Variants in DNAH14 observed in about 807,000 individuals in gnomAD.
DNAH14 encodes the protein axonemal beta dynein heavy chain 14.
Under a neutral mutation model 520.9 loss-of-function variants are expected in DNAH14, and 478 were observed. The observed-to-expected ratio is 0.92, with a 90% CI of 0.85 to 0.99. The LOEUF (loss-of-function observed/expected upper bound fraction) is 0.99. Ranked by LOEUF, DNAH14 falls within the 50% of genes least tolerant of loss-of-function variation. DNAH14 has a pLI of 0.00. For synonymous variants in DNAH14, 1,581 were observed against 1,757.2 expected, an observed-to-expected ratio of 0.90 and a Z score of 2.51; for missense variants, 4,831 against 5,234.5, an observed-to-expected ratio of 0.92 and a Z score of 2.38.
chr1:225,082,978 T>C (rs2073316648), intron 20 of DNAH14, among the ~76,000 whole-genome samples: 1 of 152,166 alleles, frequency 6.6e-6, no homozygotes. Context: ...CTGGTTTTCA[T>C]GTATGACAGA....
chr1:225,170,333 TAA>T (rs1361144629), intron 36 of DNAH14, among the ~76,000 whole-genome samples: 1 of 152,100 alleles, frequency 6.6e-6, no homozygotes, highest in African/African-American at 2.4e-5. Flanking sequence ...GCAAATTGGA[TAA>T]AGAGTCAAGA....
At chr1:224,941,104 A>C (rs556807052) in intron 1 of DNAH14, among the ~76,000 whole-genome samples, 1 of 152,352 alleles carries the variant, frequency 6.6e-6, no homozygotes, top group South Asian at 2.1e-4. Context: ...ACTCACTTCC[A>C]CAATGGTTGA....
intron 41 of DNAH14, among the ~76,000 whole-genome samples, chr1:225,214,289 G>A (rs1309086612): frequency 1.3e-5 from 2 of 152,180 alleles, no homozygotes; most frequent in East Asian, 3.8e-4. Context: ...GCTTTTTGAT[G>A]TGCTGCTGGA....
intron 42 of DNAH14, among the ~76,000 whole-genome samples, chr1:225,235,121 C>T (rs915550470): frequency 6.6e-6 from 1 of 152,080 alleles, no homozygotes; most frequent in Non-Finnish European, 1.5e-5. Context: ...TTCTCTTGTG[C>T]CAGTTTTCAA....
chr1:225,291,759 A>G (rs764054018), intron 55 of DNAH14, among the ~76,000 whole-genome samples: 11 of 152,070 alleles, frequency 7.2e-5, no homozygotes, highest in Admixed American at 2.6e-4. Flanking sequence ...CTATTTGATG[A>G]TAGCCATCCT....
intron 67 of DNAH14, 142 bp downstream of exon 67, chr1:225,337,638 C>A: frequency 1.5e-6 from 1 of 668,554 alleles, no homozygotes; most frequent in Non-Finnish European, 2.6e-6. Flanking sequence ...TACTTACAGA[C>A]AGAGAGTGAG....
chr1:225,395,764 T>C (rs2096003290), intron 84 of DNAH14: 1 of 152,358 alleles, frequency 6.6e-6, no homozygotes, highest in South Asian at 2.1e-4. Context: ...CTTCTTGTTT[T>C]CCGGTGCTTT....
chr1:225,350,758 CA>C (rs564430530), intron 71 of DNAH14, among the ~76,000 whole-genome samples: 112 of 139,440 alleles, frequency 8.0e-4, no homozygotes, highest in African/African-American at 2.6e-3. Flanking sequence ...CAAACACTGC[CA>C]AAAAAAAAAG....
chr1:225,063,092 A>G (rs1193004018), intron 17 of DNAH14, among the ~76,000 whole-genome samples: 1 of 151,042 alleles, frequency 6.6e-6, no homozygotes, highest in East Asian at 1.9e-4. Context: ...TATTTAAATG[A>G]AAACATGAAC....
chr1:225,130,440 C>G (rs969247799), intron 27 of DNAH14, among the ~76,000 whole-genome samples: 2 of 151,700 alleles, frequency 1.3e-5, no homozygotes, highest in Non-Finnish European at 2.9e-5. Flanking sequence ...CAATGATAGA[C>G]CGAATTAAGA....
Position 224,985,186 on chromosome 1 carries a change from A to G in DNAH14, c.830+11033A>G, listed in dbSNP as rs1339639503. On this transcript the variant is annotated intron_variant, in intron 8 of 85. Transcript: ENST00000682510. ...GCACATGCATGTTTATAGCAGCACA[A>G]TTCACAATAGCAAAATCGTGGAACC... Among the ~76,000 whole-genome samples, 4 of 152,244 alleles carry G rather than the reference A, an allele frequency of 2.6e-5. No homozygotes were observed. The East Asian group carries it at 7.7e-4, about 29-fold the overall frequency.
intron 8 of DNAH14, among the ~76,000 whole-genome samples, chr1:224,985,768 G>A (rs1342916376): frequency 1.3e-5 from 2 of 151,940 alleles, no homozygotes; most frequent in East Asian, 3.9e-4. Flanking sequence ...TTGATCTACT[G>A]AAGAATGCAT....
intron 23 of DNAH14, among the ~76,000 whole-genome samples, chr1:225,102,879 A>C (rs2075644482): frequency 6.6e-6 from 1 of 151,782 alleles, no homozygotes; most frequent in South Asian, 2.1e-4. Context: ...GCTGTGCAGA[A>C]GCTCTTTAGT....
chr1:225,372,921 A>G (rs2095635888), intron 77 of DNAH14, among the ~76,000 whole-genome samples: 1 of 152,134 alleles, frequency 6.6e-6, no homozygotes, highest in African/African-American at 2.4e-5. Flanking sequence ...CGGACATAAG[A>G]AAAGATGCTC....
At chr1:225,337,987 T>C (rs1182402796) in intron 67 of DNAH14, 74 bp from the exon 68 acceptor site, 2 of 1,427,874 alleles carry the variant, frequency 1.4e-6, no homozygotes, top group Non-Finnish European at 9.3e-7. Flanking sequence ...TTTAAATGTT[T>C]TATTGCTGCT....
chr1:225,101,939 C>A (rs139523962), intron 23 of DNAH14, among the ~76,000 whole-genome samples: 1 of 151,212 alleles, frequency 6.6e-6, no homozygotes, highest in Admixed American at 6.6e-5. Context: ...ATGTGCACAA[C>A]GTGCAGGTTA....
intron 66 of DNAH14, among the ~76,000 whole-genome samples, chr1:225,336,622 A>C (rs541043829): frequency 6.6e-6 from 1 of 152,202 alleles, no homozygotes; most frequent in Non-Finnish European, 1.5e-5. Context: ...CTTAATGAGA[A>C]TATATAGAGC....
intron 8 of DNAH14, among the ~76,000 whole-genome samples, chr1:224,997,975 T>C (rs2063506925): frequency 6.6e-6 from 1 of 152,162 alleles, no homozygotes; most frequent in African/African-American, 2.4e-5. Context: ...TTGATAGGTA[T>C]AGGGCTACTG....
Position 225,288,074 on chromosome 1 carries a change from A to G in DNAH14, c.8272-1811A>G, listed in dbSNP as rs752707703. Among the ~76,000 whole-genome samples, 9 of 152,210 alleles carry G rather than the reference A, an allele frequency of 5.9e-5. No homozygotes were observed. In the East Asian group the frequency reaches 1.5e-3, roughly 26 times the overall value. On this transcript the variant is annotated intron_variant, in intron 54 of 85. Transcript: ENST00000682510. ...GTCTACCCTCAAGAAGCTGGGCATAACTCCTCACTCCTTCACTGAGGGCTG... is the reference window on the plus strand; with the variant it reads ...GTCTACCCTCAAGAAGCTGGGCATAGCTCCTCACTCCTTCACTGAGGGCTG...
Sources: allele counts gnomAD v4.1 joint callset (sites outside exome capture counted in the v4.1 genomes callset), GRCh38; gene constraint gnomAD v4.1.1; transcripts MANE v1.5; gene names NCBI Gene and HGNC (gene_info 2026-07-23, HGNC 2026-07-21).